Variants in SRRM2 observed in about 807,000 individuals in gnomAD.
The protein encoded by SRRM2 is serine/arginine repetitive matrix protein 2.
A neutral mutation model predicts 213.8 loss-of-function variants in SRRM2; 30 were observed. The observed-to-expected ratio is 0.14, with a 90% CI of 0.10 to 0.19. The LOEUF (loss-of-function observed/expected upper bound fraction) is 0.19. Among genes scored for constraint, SRRM2 ranks in the 10% least tolerant of loss-of-function variants. The pLI, the probability that SRRM2 is intolerant of heterozygous loss-of-function variation, is 1.00. For missense variants in SRRM2, 4,904 were observed against 3,647.0 expected, an observed-to-expected ratio of 1.34 and a Z score of -8.88; for synonymous variants, 2,025 against 1,377.7, an observed-to-expected ratio of 1.47 and a Z score of -10.40.
At chr16:2,768,971 C>G (rs368652826) in intron 11 of SRRM2, 26 bp from the exon 12 acceptor site, 1 of 1,610,652 alleles carries the variant, frequency 6.2e-7, no homozygotes, top group Non-Finnish European at 8.5e-7. Context: ...AGCTTGTCTC[C>G]TTGTGACACT....
rs559299032 is a variant in SRRM2, at chr16:2,765,952, G to A, written c.5424G>A (p.Ser1808=). 40 of 1,614,130 alleles carry A rather than the reference G, an allele frequency of 2.5e-5. No individual in the cohort carries two copies. Among genetic ancestry groups the A allele is most frequent in the South Asian group, 6.6e-5 (6 of 91,082 alleles). The change falls in exon 11 of 15, where the codon TCG becomes TCA. Residue 1808 remains serine (S), a synonymous_variant. Coordinates refer to ENST00000301740, the MANE Select transcript of SRRM2 (RefSeq NM_016333.4). ...GAAGACAGCGGAGCCGGTCAAGGTC[G>A]CGGGTTACTCGGCGGCGGAGGGGAG... is the stretch of plus-strand genomic sequence containing the variant. ...SRRRQRSRSR[S]RVTRRRRGGS...
At position 2,766,217 on chromosome 16, in the gene SRRM2, C is replaced by A; in HGVS notation, c.5689C>A (p.Arg1897=). The A allele has an allele frequency of 6.2e-7, 1 of 1,614,182 alleles. No individual in the cohort carries two copies. Among genetic ancestry groups the A allele is most frequent in the Middle Eastern group, 1.6e-4 (1 of 6,062 alleles). Residue 1897 remains arginine, a synonymous_variant, in exon 11 of 15, where the codon CGG becomes AGG. Transcript: ENST00000301740. This position sits in a 1 kb window ranked among gnomAD's most constrained non-coding sequence, Gnocchi z 7.0. The stretch of plus-strand genomic sequence containing the variant: ...CAGATCTCGAACTTCACCAGTCAGC[C>A]GGAGACGGTCAAGGTCCAGGACTTC... ...RSRSRTSPVS[R]RRSRSRTSVT...
chr16:2,760,324 C>T lies in SRRM2; in HGVS notation c.857C>T (p.Thr286Ile). The T allele has an allele frequency of 6.2e-7, 1 of 1,613,868 alleles. No homozygotes were observed. ...AGGTCTCGAAGTGCTGCAGCTAAAA[C>T]TCATACAACTGCCTTGGCTGGGCGA... ...RSRSRSAAAK[T>I]HTTALAGRSP... The change falls in exon 10 of 15, where the codon ACT (threonine) becomes ATT (isoleucine). Residue 286 changes from threonine (T) to isoleucine (I), a missense_variant. Coordinates refer to ENST00000301740, the MANE Select transcript of SRRM2 (RefSeq NM_016333.4).
chr16:2,759,752 GCA>G, intron 9 of SRRM2, 91 bp downstream of exon 9: 1 of 1,199,138 alleles, frequency 8.3e-7, no homozygotes, highest in Non-Finnish European at 1.2e-6. Context: ...GCTAGGCGCT[GCA>G]CAGACCATTC....
intron 12 of SRRM2, 176 bp from the exon 13 acceptor site, chr16:2,770,176 C>G: frequency 2.8e-6 from 4 of 1,442,540 alleles, no homozygotes; most frequent in Non-Finnish European, 3.6e-6. Flanking sequence ...TGCCTGCCCA[C>G]TGGGCACTCG....
In SRRM2 at chr16:2,768,028, G is replaced by C; in HGVS notation, c.7500G>C (p.Gly2500=). Residue 2500 remains glycine (G), a synonymous_variant, in exon 11 of 15, where the codon GGG becomes GGC. Coordinates refer to ENST00000301740, the MANE Select transcript of SRRM2 (RefSeq NM_016333.4). ...HNGMLSVPAP[G]VPHSDVGEPP... ...GCATGCTCTCTGTCCCTGCCCCTGGGGTGCCCCACTCTGATGTGGGGGAGC... is the reference window on the plus strand; with the variant it reads ...GCATGCTCTCTGTCCCTGCCCCTGGCGTGCCCCACTCTGATGTGGGGGAGC... The C allele has an allele frequency of 6.2e-7, 1 of 1,614,166 alleles. No homozygotes were observed. The highest frequency in any genetic ancestry group is 2.2e-5 in the East Asian group (1 of 44,890).
rs776792249 is a variant in SRRM2 at position 2,769,230 on chromosome 16, C to T, written c.7967C>T (p.Pro2656Leu). 3.1e-6 allele frequency: 5 copies of T among 1,591,314 alleles called. No homozygotes were observed. Among genetic ancestry groups the T allele is most frequent in the South Asian group, 1.2e-5 (1 of 85,412 alleles). ...SSSPSPAKPGPQALPKPASPK... is the reference protein window; with the variant it reads ...SSSPSPAKPGLQALPKPASPK... ...TCCCCTTCCCCTGCTAAGCCTGGCCCTCAGGCCTTGCCCAAACCTGCAAGC... is the reference window on the plus strand; with the variant it reads ...TCCCCTTCCCCTGCTAAGCCTGGCCTTCAGGCCTTGCCCAAACCTGCAAGC... Residue 2656 changes from proline to leucine, a missense_variant, in exon 12 of 15, where the codon CCT becomes CTT. Coordinates refer to ENST00000301740, the MANE Select transcript of SRRM2 (RefSeq NM_016333.4).
rs2068554183 is a variant in SRRM2 at position 2,766,623 on chromosome 16, C to G, written c.6095C>G (p.Ser2032Cys). 1.2e-6 allele frequency: 2 copies of G among 1,613,830 alleles called. No individual in the cohort carries two copies. The highest frequency in any genetic ancestry group is 1.7e-6 in the Non-Finnish European group (2 of 1,179,864). The change falls in exon 11 of 15, where the codon TCT becomes TGT. Residue 2032 changes from serine (S) to cysteine (C), a missense_variant. Physicochemically the swap from Ser to Cys is moderately radical, Grantham distance 112. Coordinates refer to ENST00000301740, the MANE Select transcript of SRRM2 (RefSeq NM_016333.4). This position sits in a 1 kb window ranked among gnomAD's most constrained non-coding sequence, Gnocchi z 7.0. ...TPPAIRRRSRSRTPLLPRKRS... is the reference protein window; with the variant it reads ...TPPAIRRRSRCRTPLLPRKRS... The stretch of plus-strand genomic sequence containing the variant: ...CCAGCTATTCGGCGCCGCTCTAGAT[C>G]TCGAACGCCACTGTTACCACGCAAA...
intron 1 of SRRM2, among the ~76,000 whole-genome samples, chr16:2,754,036 ACTTTTT>A: frequency 6.6e-6 from 1 of 152,048 alleles, no homozygotes; most frequent in African/African-American, 2.4e-5. Context: ...CTTCCTTTGT[ACTTTTT>A]ACTTTCTGCT....
intron 12 of SRRM2, 49 bp downstream of exon 12, chr16:2,769,333 T>C (rs114758835): frequency 7.9e-6 from 12 of 1,521,500 alleles, no homozygotes; most frequent in Non-Finnish European, 1.1e-5. Context: ...GAGTGACTTG[T>C]CCAGAGAAGG....
At chr16:2,756,883 T>A (rs868009589) in intron 2 of SRRM2, among the ~76,000 whole-genome samples, 28 of 151,962 alleles carry the variant, frequency 1.8e-4, no homozygotes, top group African/African-American at 6.5e-4. Context: ...AAATGTGTTT[T>A]AAGGAAGAGA....
chr16:2,770,697 C>A lies in SRRM2; in HGVS notation c.8229C>A (p.Pro2743=). Residue 2743 remains proline (P), a synonymous_variant, in exon 14 of 15, where the codon CCC becomes CCA. Coordinates refer to ENST00000301740, the MANE Select transcript of SRRM2 (RefSeq NM_016333.4). ...KRRRETPSPR[P]MRHRSSRSP ...GGAGGGAGACACCTAGCCCTCGGCC[C>A]ATGAGACACCGCTCCTCCAGGTGCG... 3.8e-6 allele frequency: 6 copies of A among 1,559,728 alleles called. No individual in the cohort carries two copies. Among genetic ancestry groups the A allele is most frequent in the Non-Finnish European group, 4.3e-6 (5 of 1,150,682 alleles).
chr16:2,762,603 C>T lies in SRRM2; in HGVS notation c.2075C>T (p.Ser692Phe), dbSNP rs1039789561. Residue 692 changes from serine to phenylalanine, a missense_variant, in exon 11 of 15, where the codon TCT becomes TTT. Transcript: ENST00000301740. The part of the protein sequence containing the change: ...RSRTPARRGR[S>F]RSRTPRRGRS... Reference sequence around the variant, plus strand: ...AGAACACCAGCCAGGAGAGGGAGGTCTCGGTCTAGGACACCAAGACGAGGA... The same window carrying T: ...AGAACACCAGCCAGGAGAGGGAGGTTTCGGTCTAGGACACCAAGACGAGGA... The T allele has an allele frequency of 5.0e-6, 8 of 1,613,998 alleles. No homozygotes were observed. The Admixed American group carries it at 1.0e-4, about 20-fold the overall frequency.
chr16:2,764,499 A>G lies in SRRM2; in HGVS notation c.3971A>G (p.Glu1324Gly). The change falls in exon 11 of 15, where the codon GAG becomes GGG. Residue 1324 changes from glutamate to glycine, a missense_variant. Transcript: ENST00000301740. ...HKELSNSPLR[E>G]NSFGSPLEFR... ...GAACTGTCTAACTCCCCACTCAGGG[A>G]GAACAGCTTTGGATCACCTTTAGAA... 1 of 1,614,210 alleles carries G rather than the reference A, an allele frequency of 6.2e-7. No homozygotes were observed.
chr16:2,767,727 C>T lies in SRRM2; in HGVS notation c.7199C>T (p.Pro2400Leu), dbSNP rs766069252. ...YERVSGRTSP[P>L]LLDRARSRTP... ...CGTGTCAGTGGCAGAACCTCACCAC[C>T]GCTCCTTGACCGAGCTAGGTCCAGA... The change falls in exon 11 of 15, where the codon CCG becomes CTG. Residue 2400 changes from proline (P) to leucine (L), a missense_variant. Transcript: ENST00000301740. The T allele has an allele frequency of 1.2e-5, 19 of 1,613,758 alleles. No homozygotes were observed. Among genetic ancestry groups the T allele is most frequent in the South Asian group, 7.7e-5 (7 of 91,054 alleles).
Position 2,767,742 on chromosome 16 carries a change from C to T in SRRM2, c.7214C>T (p.Ala2405Val). The T allele has an allele frequency of 1.2e-6, 2 of 1,613,834 alleles. No individual in the cohort carries two copies. Among genetic ancestry groups the T allele is most frequent in the Non-Finnish European group, 1.7e-6 (2 of 1,179,920 alleles). The change falls in exon 11 of 15, where the codon GCT becomes GTT. Residue 2405 changes from alanine (A) to valine (V), a missense_variant. By Grantham distance (64) the Ala-to-Val change is moderately conservative. Transcript: ENST00000301740. ...ACCTCACCACCGCTCCTTGACCGAG[C>T]TAGGTCCAGAACACCACCGTCTGCC... ...GRTSPPLLDR[A>V]RSRTPPSAPS...
At position 2,767,151 on chromosome 16, in the gene SRRM2, T is replaced by C. The variant is rs1596290077; in HGVS notation, c.6623T>C (p.Met2208Thr). Residue 2208 changes from methionine to threonine, a missense_variant, in exon 11 of 15, where the codon ATG becomes ACG. Transcript: ENST00000301740. ...TCTGCTGCTGGCCTTGCTGCAAGAATGTCCCAGGTTCCAGCCCCGGTGCCT... is the reference window on the plus strand; with the variant it reads ...TCTGCTGCTGGCCTTGCTGCAAGAACGTCCCAGGTTCCAGCCCCGGTGCCT... Reference protein sequence around the residue: ...SMSAAGLAARMSQVPAPVPLM... With the variant: ...SMSAAGLAARTSQVPAPVPLM... 5 of 1,614,194 alleles carry C rather than the reference T, an allele frequency of 3.1e-6. No individual in the cohort carries two copies. Among genetic ancestry groups the C allele is most frequent in the Non-Finnish European group, 4.2e-6 (5 of 1,180,030 alleles).
Position 2,769,174 on chromosome 16 carries a change from C to G in SRRM2, c.7911C>G (p.Ser2637=). The part of the protein sequence containing the change: ...SSSSSSSSSS[S]SSSSSSSSSS... The stretch of plus-strand genomic sequence containing the variant: ...CCTCCTCTTCCTCTTCTTCTTCTTC[C>G]TCCTCATCTTCCTCCTCCTCGTCGT... The change falls in exon 12 of 15, where the codon TCC becomes TCG. Residue 2637 remains serine, a synonymous_variant. Transcript: ENST00000301740. 1 of 1,610,852 alleles carries G rather than the reference C, an allele frequency of 6.2e-7. No homozygotes were observed. The highest frequency in any genetic ancestry group is 8.5e-7 in the Non-Finnish European group (1 of 1,178,322).
In SRRM2 at chr16:2,753,631, TA is replaced by T. The variant is rs2068026558; in HGVS notation, c.-32+786del. On this transcript the variant is annotated intron_variant, in intron 1 of 14. Coordinates refer to ENST00000301740, the MANE Select transcript of SRRM2 (RefSeq NM_016333.4). ...CGTTGGGAAGAAAACGCCAGACTCA[TA>T]TATAAGTTTTCTGGTTGGTTTCAGG... 2.0e-5 allele frequency: 3 copies of T among 152,160 alleles called. 1 individual carries two copies. Among genetic ancestry groups the T allele is most frequent in the Admixed American group, 1.3e-4 (2 of 15,282 alleles). The allele number at this position is 152,160 out of a possible 1,614,324, so 9.4% of individuals were successfully genotyped here. A position where few individuals can be genotyped will look rare whatever the true frequency, so the allele number is the denominator to read the frequency against.
Sources: allele counts gnomAD v4.1 joint callset (sites outside exome capture counted in the v4.1 genomes callset), GRCh38; gene constraint gnomAD v4.1.1; non-coding constraint Gnocchi (gnomAD v3.1); transcripts MANE v1.5; gene names NCBI Gene and HGNC (gene_info 2026-07-23, HGNC 2026-07-21).